Variants in CSNK1E observed in about 807,000 individuals in gnomAD.
The protein encoded by CSNK1E is casein kinase I isoform epsilon.
CSNK1E carries 17 observed loss-of-function variants against 46.1 expected under a neutral mutation model. That is an observed-to-expected ratio of 0.37 (90% confidence interval 0.25 to 0.55). The LOEUF (loss-of-function observed/expected upper bound fraction) is 0.55, where lower values mean the gene tolerates loss of function less well. CSNK1E is among the 20% of genes least tolerant of loss of function. The pLI is 0.82. For synonymous variants in CSNK1E, 241 were observed against 242.6 expected, an observed-to-expected ratio of 0.99 and a Z score of 0.06; for missense variants, 386 against 595.4, an observed-to-expected ratio of 0.65 and a Z score of 3.66.
At chr22:38,316,163 C>A (rs1024455064) in intron 1 of CSNK1E, among the ~76,000 whole-genome samples, 6 of 152,226 alleles carry the variant, frequency 3.9e-5, no homozygotes, top group African/African-American at 1.4e-4. Flanking sequence ...AGAGTTTCAG[C>A]AGGTTAAAAA....
intron 2 of CSNK1E, among the ~76,000 whole-genome samples, chr22:38,305,991 A>T (rs530322168): frequency 7.2e-5 from 11 of 152,344 alleles, no homozygotes; most frequent in Non-Finnish European, 1.5e-4. Context: ...AAGCTTGGAA[A>T]CAACCCAAAT....
intron 7 of CSNK1E, chr22:38,296,686 C>T (rs777574520): frequency 2.2e-5 from 35 of 1,611,424 alleles, no homozygotes; most frequent in Non-Finnish European, 1.4e-5. Flanking sequence ...GTGCTCCTGG[C>T]CTGGTTGGAA....
At chr22:38,317,546 G>T (rs927250036), upstream of CSNK1E, 1 of 153,006 alleles carries the variant, frequency 6.5e-6, no homozygotes, top group Non-Finnish European at 1.5e-5. Context: ...CTCCGCGCTG[G>T]GGGCCGCAGC....
At chr22:38,293,929 A>G (rs901812008) in intron 9 of CSNK1E, 180 bp downstream of exon 9, 43 of 703,786 alleles carry the variant, frequency 6.1e-5, no homozygotes, top group Non-Finnish European at 8.8e-5. Context: ...ACTTTGCTCA[A>G]GAGGGCTCAT....
Position 38,303,317 on chromosome 22 carries a change from A to C in CSNK1E, c.77-69T>G, listed in dbSNP as rs191333416. ...GCCAGGCAGTCCCAGGCGCCCCACT[A>C]AGCATTTCTGAGATCTGGCGTGTGC... On this transcript the variant is annotated intron_variant, in intron 2 of 10. Coordinates refer to ENST00000396832, the MANE Select transcript of CSNK1E (RefSeq NM_152221.3). This position sits in a 1 kb window ranked among gnomAD's most constrained non-coding sequence, Gnocchi z 4.7. The C allele has an allele frequency of 1.9e-5, 26 of 1,343,990 alleles. No homozygotes were observed. In the African/African-American group the frequency reaches 2.5e-4, roughly 13 times the overall value. 83.3% of individuals were successfully genotyped at this position (1,343,990 alleles called of 1,614,324 possible).
At chr22:38,315,354 C>T (rs535100219) in intron 1 of CSNK1E, among the ~76,000 whole-genome samples, 5 of 152,358 alleles carry the variant, frequency 3.3e-5, no homozygotes, top group South Asian at 2.1e-4. Context: ...CAGGGAACCC[C>T]GGCACCTGGC....
intron 4 of CSNK1E, 108 bp downstream of exon 4, chr22:38,302,753 G>A (rs907749204): frequency 2.3e-6 from 3 of 1,284,836 alleles, no homozygotes; most frequent in Non-Finnish European, 3.3e-6. Flanking sequence ...CAGTGGACAA[G>A]GTCCCCTGGC....
At position 38,309,615 on chromosome 22, in the gene CSNK1E, T is replaced by C. The variant is rs939867901; in HGVS notation, c.76+4467A>G. Among the ~76,000 whole-genome samples the C allele has an allele frequency of 2.6e-5, 4 of 152,016 alleles. No homozygotes were observed. The highest frequency in any genetic ancestry group is 2.6e-4 in the Admixed American group (4 of 15,254). ...GATTACAAGCAGACACCACCACGCC[T>C]GGCTAATTTTTGTATTATTAGTAGA... On this transcript the variant is annotated intron_variant, in intron 2 of 10. Coordinates refer to ENST00000396832, the MANE Select transcript of CSNK1E (RefSeq NM_152221.3). The surrounding 1 kb of genome is among the most constrained non-coding windows in gnomAD (Gnocchi z 4.8).
chr22:38,296,771 G>A (rs2092642935), intron 7 of CSNK1E: 11 of 1,501,068 alleles, frequency 7.3e-6, no homozygotes, highest in Admixed American at 2.0e-5. Context: ...TCCACAGAAC[G>A]TTCTGGATGA....
At chr22:38,297,627 G>C in intron 7 of CSNK1E, 1 of 994,652 alleles carries the variant, frequency 1.0e-6, no homozygotes, top group Non-Finnish European at 1.2e-6. Context: ...TGTTTAATGA[G>C]TTCTGGTTCA....
Position 38,300,953 on chromosome 22 carries a change from C to G in CSNK1E, c.337-1G>C. On this transcript the variant is annotated splice_acceptor_variant, in intron 4 of 10. Transcript: ENST00000396832. LOFTEE classifies it high-confidence loss of function. This position sits in a 1 kb window ranked among gnomAD's most constrained non-coding sequence, Gnocchi z 4.4. ...AGTGGATATACTCGATGCGGCTGAT[C>G]TGGGGAGGAGGGGGGCCATTTGTTC... 1 of 1,613,750 alleles carries G rather than the reference C, an allele frequency of 6.2e-7. No individual in the cohort carries two copies. Among genetic ancestry groups the G allele is most frequent in the Non-Finnish European group, 8.5e-7 (1 of 1,179,706 alleles).
intron 2 of CSNK1E, among the ~76,000 whole-genome samples, chr22:38,304,518 T>C (rs946756198): frequency 2.0e-5 from 3 of 152,138 alleles, no homozygotes; most frequent in African/African-American, 7.2e-5. Flanking sequence ...GAAACACGTG[T>C]GCACCAGGGG....
chr22:38,296,154 C>T (rs1001534085), intron 7 of CSNK1E: 9 of 992,476 alleles, frequency 9.1e-6, no homozygotes, highest in African/African-American at 8.7e-5. Context: ...AAGAAGTGGG[C>T]GACTCTCCAT....
chr22:38,299,774 C>T (rs781662602), intron 6 of CSNK1E, 121 bp downstream of exon 6: 7 of 1,149,668 alleles, frequency 6.1e-6, no homozygotes, highest in Non-Finnish European at 7.4e-6. Context: ...TCCCAAAGTG[C>T]CAGGACTGCA....
Position 38,300,611 on chromosome 22 carries a change from C to T in CSNK1E, c.565+113G>A. ...GGGGCAGACGGGGTGGGGACTTTCT[C>T]ACTAGAAAAGAGCCTGGGGGCCTCC... On this transcript the variant is annotated intron_variant, in intron 5 of 10. Coordinates refer to ENST00000396832, the MANE Select transcript of CSNK1E (RefSeq NM_152221.3). The surrounding 1 kb of genome is among the most constrained non-coding windows in gnomAD (Gnocchi z 4.4). 1 of 1,034,572 alleles carries T rather than the reference C, an allele frequency of 9.7e-7. No individual in the cohort carries two copies. Among genetic ancestry groups the T allele is most frequent in the South Asian group, 1.5e-5 (1 of 64,924 alleles). 64.1% of individuals were successfully genotyped at this position (1,034,572 alleles called of 1,614,324 possible). A position where few individuals can be genotyped will look rare whatever the true frequency, so the allele number is the denominator to read the frequency against.
intron 1 of CSNK1E, chr22:38,316,765 G>C (rs540524875): frequency 6.6e-6 from 1 of 152,278 alleles, no homozygotes; most frequent in East Asian, 1.9e-4. Flanking sequence ...GCCGGTGATT[G>C]TCCGATGAAA....
At chr22:38,293,949 G>A in intron 9 of CSNK1E, 160 bp downstream of exon 9, 1 of 826,084 alleles carries the variant, frequency 1.2e-6, no homozygotes, top group Non-Finnish European at 1.8e-6. Context: ...TCAGACCTCA[G>A]AGGATTAAAT....
rs772677857 is a variant in CSNK1E, at chr22:38,309,836, G to C, written c.76+4246C>G. ...ATATGCTACAAACTTCCCAGGGACA[G>C]GGACCCAAGCTGCTAGGCAAAGCCT... On this transcript the variant is annotated intron_variant, in intron 2 of 10. Transcript: ENST00000396832. This position sits in a 1 kb window ranked among gnomAD's most constrained non-coding sequence, Gnocchi z 4.8. Among the ~76,000 whole-genome samples the C allele has an allele frequency of 1.3e-5, 2 of 152,214 alleles. No individual in the cohort carries two copies. Among genetic ancestry groups the C allele is most frequent in the Non-Finnish European group, 2.9e-5 (2 of 68,042 alleles).
chr22:38,296,428 G>A (rs2092640978), intron 7 of CSNK1E: 2 of 1,449,594 alleles, frequency 1.4e-6, no homozygotes, highest in Non-Finnish European at 9.1e-7. Context: ...AACACAGGGT[G>A]TCCTGTCTAC....
Sources: allele counts gnomAD v4.1 joint callset (sites outside exome capture counted in the v4.1 genomes callset), GRCh38; gene constraint gnomAD v4.1.1; non-coding constraint Gnocchi (gnomAD v3.1); transcripts MANE v1.5; gene names NCBI Gene and HGNC (gene_info 2026-07-23, HGNC 2026-07-21).